NAALADL2: variants seen among roughly 807,000 people sequenced by gnomAD.
NAALADL2 encodes inactive N-acetylated-alpha-linked acidic dipeptidase-like protein 2.
In NAALADL2, 76 loss-of-function variants were observed where a neutral mutation model predicts 87.2. The ratio of observed to expected loss-of-function variants is 0.87; its 90% CI spans 0.72 to 1.05. The LOEUF is 1.05. Among genes scored for constraint, NAALADL2 ranks in the 50% least tolerant of loss-of-function variants. The pLI is 0.00. For missense variants in NAALADL2, 1,089 were observed against 945.8 expected (o/e 1.15, Z -1.99); for synonymous variants, 354 against 331.0 (o/e 1.07, Z -0.75).
intron 2 of NAALADL2, among the ~76,000 whole-genome samples, chr3:175,104,888 C>T (rs1489446107): frequency 6.6e-6 from 1 of 152,032 alleles, no homozygotes; most frequent in Non-Finnish European, 1.5e-5. Context: ...TGCTCTGAAC[C>T]TTAAGTAAGG....
intron 10 of NAALADL2, among the ~76,000 whole-genome samples, chr3:175,622,192 T>C (rs1347688585): frequency 1.3e-5 from 2 of 152,208 alleles, no homozygotes; most frequent in East Asian, 3.8e-4. Flanking sequence ...CTTCCTTTTC[T>C]GTAGCTCCTA....
rs115101869 is a variant in NAALADL2 at position 175,282,592 on chromosome 3, T to C, written c.939+26062T>C. Among the ~76,000 whole-genome samples, 1,336 of 152,138 alleles carry C rather than the reference T, an allele frequency of 8.8e-3. 21 individuals carry two copies. Among genetic ancestry groups the C allele is most frequent in the African/African-American group, 0.031 (1,281 of 41,542 alleles). On this transcript the variant is annotated intron_variant, in intron 4 of 13. Coordinates refer to ENST00000454872, the MANE Select transcript of NAALADL2 (RefSeq NM_207015.3). ...TCACCTATCTACCTGTCACCTGCCC[T>C]CCAACCCCCACCAAACTCTACTGGA... is the stretch of plus-strand genomic sequence containing the variant.
intron 1 of NAALADL2, among the ~76,000 whole-genome samples, chr3:174,463,392 G>C (rs1716327259): frequency 6.6e-6 from 1 of 152,098 alleles, no homozygotes. Flanking sequence ...TTATAGTCAA[G>C]CTTCACAAGA....
intron 1 of NAALADL2, among the ~76,000 whole-genome samples, chr3:174,463,725 C>T (rs1405663766): frequency 6.6e-6 from 1 of 151,586 alleles, no homozygotes; most frequent in Non-Finnish European, 1.5e-5. Flanking sequence ...CTCAGCCTCC[C>T]GAGTAGCTGG....
intron 2 of NAALADL2, among the ~76,000 whole-genome samples, chr3:174,561,494 C>T (rs7642428): frequency 0.01 from 1,593 of 152,206 alleles, 18 homozygotes; most frequent in Middle Eastern, 0.027. Context: ...GCCACCATGC[C>T]GGGCCACAGG....
chr3:175,446,994 A>G (rs1407027136), intron 5 of NAALADL2, among the ~76,000 whole-genome samples: 1 of 152,198 alleles, frequency 6.6e-6, no homozygotes, highest in African/African-American at 2.4e-5. Flanking sequence ...AGGTAAGTGC[A>G]TATGTGCAAT....
chr3:174,792,941 T>G (rs1717639943), intron 3 of NAALADL2, among the ~76,000 whole-genome samples: 1 of 152,144 alleles, frequency 6.6e-6, no homozygotes, highest in African/African-American at 2.4e-5. Context: ...ACTTTTTTTC[T>G]TTTTTTAACT....
At chr3:175,104,781 C>T (rs577452375) in intron 2 of NAALADL2, among the ~76,000 whole-genome samples, 47 of 152,234 alleles carry the variant, frequency 3.1e-4, no homozygotes, top group South Asian at 2.3e-3. Context: ...GCTATCCTAT[C>T]GTTGATCTCT....
intron 5 of NAALADL2, among the ~76,000 whole-genome samples, chr3:175,417,380 T>A (rs577154674): frequency 1.4e-3 from 209 of 152,150 alleles, no homozygotes; most frequent in Non-Finnish European, 1.7e-3. Flanking sequence ...AATATTATAG[T>A]CAGTAGTAAA....
chr3:174,534,724 A>T (rs1009534016), intron 1 of NAALADL2, among the ~76,000 whole-genome samples: 2 of 152,164 alleles, frequency 1.3e-5, no homozygotes, highest in Admixed American at 1.3e-4. Context: ...GTTTGAGTCT[A>T]ATCAGGATCG....
At chr3:175,642,153 T>C (rs559827284) in intron 11 of NAALADL2, among the ~76,000 whole-genome samples, 1 of 152,322 alleles carries the variant, frequency 6.6e-6, no homozygotes, top group East Asian at 1.9e-4. Flanking sequence ...CTGAGAGTTC[T>C]TTGTTTGCAT....
intron 4 of NAALADL2, among the ~76,000 whole-genome samples, chr3:175,320,382 C>G (rs1759690809): frequency 6.6e-6 from 1 of 152,048 alleles, no homozygotes; most frequent in Non-Finnish European, 1.5e-5. Context: ...GGTCTATTCT[C>G]AAAACATTTA....
intron 5 of NAALADL2, among the ~76,000 whole-genome samples, chr3:175,341,992 G>C (rs1762611614): frequency 6.6e-6 from 1 of 152,024 alleles, no homozygotes; most frequent in South Asian, 2.1e-4. Flanking sequence ...AGATGTATGG[G>C]TTAATTTATG....
chr3:174,830,118 T>G (rs369555126), intron 3 of NAALADL2, among the ~76,000 whole-genome samples: 8 of 130,712 alleles, frequency 6.1e-5, no homozygotes, highest in African/African-American at 1.8e-4. Flanking sequence ...CTCTTTAGTT[T>G]AATTAGATCC....
intron 5 of NAALADL2, among the ~76,000 whole-genome samples, chr3:175,371,267 T>A (rs150534115): frequency 0.014 from 2,145 of 152,060 alleles, 29 homozygotes; most frequent in Non-Finnish European, 0.021. Context: ...GATGATATTA[T>A]TATTATTATT....
intron 1 of NAALADL2, among the ~76,000 whole-genome samples, chr3:175,032,596 C>T (rs548908481): frequency 1.4e-4 from 21 of 151,970 alleles, no homozygotes; most frequent in Non-Finnish European, 2.4e-4. Flanking sequence ...TTTTTTTATG[C>T]TGTGCCTTTG....
intron 2 of NAALADL2, among the ~76,000 whole-genome samples, chr3:175,199,833 TATATATA>T (rs1355485173): frequency 8.3e-5 from 1 of 12,036 alleles, no homozygotes; most frequent in Non-Finnish European, 1.5e-4. Context: ...TATATATATA[TATATATA>T]TATATATATA....
chr3:174,724,438 G>T (rs941517332), intron 2 of NAALADL2, among the ~76,000 whole-genome samples: 5 of 152,096 alleles, frequency 3.3e-5, no homozygotes, highest in African/African-American at 1.2e-4. Context: ...AATATTGGTA[G>T]ACTAATATGG....
At chr3:174,972,466 C>T (rs1401672210) in intron 1 of NAALADL2, among the ~76,000 whole-genome samples, 46 of 152,096 alleles carry the variant, frequency 3.0e-4, no homozygotes, top group African/African-American at 7.2e-5. Context: ...CTTCTCTCTG[C>T]GCTCTCTAGT....
Sources: allele counts gnomAD v4.1 joint callset (sites outside exome capture counted in the v4.1 genomes callset), GRCh38; gene constraint gnomAD v4.1.1; transcripts MANE v1.5; gene names NCBI Gene and HGNC (gene_info 2026-07-23, HGNC 2026-07-21).